Variants in PCDHA12 observed in about 807,000 individuals in gnomAD.
PCDHA12 encodes protocadherin alpha 12, also known as protocadherin alpha-12.
PCDHA12 carries 44 observed loss-of-function variants against 60.0 expected under a neutral mutation model. The ratio of observed to expected loss-of-function variants is 0.73; its 90% CI spans 0.58 to 0.94. The LOEUF (loss-of-function observed/expected upper bound fraction) is 0.94. Among genes scored for constraint, PCDHA12 ranks in the 40% least tolerant of loss-of-function variants. The pLI is 0.00. For missense variants in PCDHA12, 1,276 were observed against 1,239.7 expected, an observed-to-expected ratio of 1.03 and a Z score of -0.44; for synonymous variants, 569 against 553.0, an observed-to-expected ratio of 1.03 and a Z score of -0.40.
intron 3 of PCDHA12, among the ~76,000 whole-genome samples, chr5:140,986,901 A>G (rs1289100953): frequency 6.6e-6 from 1 of 152,134 alleles, no homozygotes; most frequent in Non-Finnish European, 1.5e-5. Context: ...GCCCTATCCT[A>G]GACTAATGAA....
chr5:140,997,820 T>C (rs2097787131), intron 3 of PCDHA12, among the ~76,000 whole-genome samples: 1 of 152,170 alleles, frequency 6.6e-6, no homozygotes. Flanking sequence ...GGTATCTATG[T>C]TTTCTAAACA....
chr5:140,951,933 A>T (rs2094659165), intron 1 of PCDHA12, among the ~76,000 whole-genome samples: 1 of 152,164 alleles, frequency 6.6e-6, no homozygotes, highest in African/African-American at 2.4e-5. Context: ...TACTCCCAAG[A>T]TACAGTGCGG....
At chr5:140,966,763 G>C (rs1020607410) in intron 1 of PCDHA12, 1 of 1,470,370 alleles carries the variant, frequency 6.8e-7, no homozygotes, top group Non-Finnish European at 9.0e-7. Flanking sequence ...CGCGGCCAGT[G>C]GCTATGGAGC....
chr5:140,967,034 C>T (rs782810130), intron 1 of PCDHA12: 9 of 1,610,726 alleles, frequency 5.6e-6, no homozygotes, highest in Non-Finnish European at 2.5e-6. Flanking sequence ...TCCGCGCTAC[C>T]TGGAGCTGGA....
chr5:140,941,228 T>TTTCTTTCTTTCTTTCTTTC (rs2092920819), intron 1 of PCDHA12, among the ~76,000 whole-genome samples: 1 of 139,066 alleles, frequency 7.2e-6, no homozygotes, highest in Admixed American at 7.4e-5. Flanking sequence ...TCTTTCTTTC[T>TTTCTTTCTTTCTTTCTTTC]TTCTTTCTTT....
rs1554262820 is a variant in PCDHA12, at chr5:141,010,243, G to A, written c.*306G>A. On this transcript the variant is annotated 3_prime_UTR_variant, in exon 4 of 4. Coordinates refer to ENST00000398631, the MANE Select transcript of PCDHA12 (RefSeq NM_018903.4). The stretch of plus-strand genomic sequence containing the variant: ...TTCCCAGCCCCGCCAGTGAGAGGTT[G>A]GACTCTCTGCCCTGTGCTCCGGGGA... 1 of 1,551,890 alleles carries A rather than the reference G, an allele frequency of 6.4e-7. No individual in the cohort carries two copies. Among genetic ancestry groups the A allele is most frequent in the Non-Finnish European group, 8.7e-7 (1 of 1,147,036 alleles).
intron 1 of PCDHA12, among the ~76,000 whole-genome samples, chr5:140,922,043 C>T (rs1305034895): frequency 6.6e-6 from 1 of 152,068 alleles, no homozygotes; most frequent in East Asian, 1.9e-4. Flanking sequence ...AATTTTCCCA[C>T]ATACCTTCAA....
chr5:141,009,627 A>G lies in PCDHA12; in HGVS notation c.2516A>G (p.Glu839Gly), dbSNP rs782179145. 6.2e-7 allele frequency: 1 copy of G among 1,612,842 alleles called. No individual in the cohort carries two copies. The highest frequency in any genetic ancestry group is 1.1e-5 in the South Asian group (1 of 90,980). The change falls in exon 4 of 4, where the codon GAA becomes GGA. Residue 839 changes from glutamate (E) to glycine (G), a missense_variant and splice_region_variant. By Grantham distance (98) the Glu-to-Gly change is moderately conservative (BLOSUM62 -2). Coordinates refer to ENST00000398631, the MANE Select transcript of PCDHA12 (RefSeq NM_018903.4). Reference protein sequence around the residue: ...QWPTVSSATPEPEAGEVSPPV... With the variant: ...QWPTVSSATPGPEAGEVSPPV... ...TGATTTGTAATGTTTTGTCTTTCAGAACCAGAGGCAGGAGAAGTGTCCCCT... is the reference window on the plus strand; with the variant it reads ...TGATTTGTAATGTTTTGTCTTTCAGGACCAGAGGCAGGAGAAGTGTCCCCT...
At chr5:140,892,120 A>G (rs1242162429) in intron 1 of PCDHA12, among the ~76,000 whole-genome samples, 1 of 152,216 alleles carries the variant, frequency 6.6e-6, no homozygotes, top group Non-Finnish European at 1.5e-5. Context: ...TATATCTGGA[A>G]CACAATAAGC....
intron 1 of PCDHA12, among the ~76,000 whole-genome samples, chr5:140,915,626 G>C (rs928151112): frequency 6.1e-5 from 9 of 146,436 alleles, no homozygotes; most frequent in East Asian, 4.1e-4. Flanking sequence ...GTCTCTTTCT[G>C]TCTCTCTCTC....
chr5:140,879,806 T>C (rs2058125905), intron 1 of PCDHA12, among the ~76,000 whole-genome samples: 1 of 152,250 alleles, frequency 6.6e-6, no homozygotes, highest in Non-Finnish European at 1.5e-5. Context: ...CCAGTTTCTA[T>C]TGGCTGTTGG....
intron 1 of PCDHA12, among the ~76,000 whole-genome samples, chr5:140,891,208 C>T (rs2062983751): frequency 1.3e-5 from 2 of 152,002 alleles, no homozygotes; most frequent in African/African-American, 4.8e-5. Context: ...TTTTACCATG[C>T]TGTGTCTTTA....
intron 1 of PCDHA12, among the ~76,000 whole-genome samples, chr5:140,956,772 GT>G (rs2095308990): frequency 6.6e-6 from 1 of 152,202 alleles, no homozygotes; most frequent in African/African-American, 2.4e-5. Context: ...AATCTGTCTG[GT>G]CCTGGGCTTT....
In PCDHA12 at chr5:140,876,868, G is replaced by C. The variant is rs563777938; in HGVS notation, c.1396G>C (p.Glu466Gln). The change falls in exon 1 of 4, where the codon GAG becomes CAG. Residue 466 changes from glutamate to glutamine, a missense_variant. Glu to Gln is a conservative substitution (Grantham distance 29). Coordinates refer to ENST00000398631, the MANE Select transcript of PCDHA12 (RefSeq NM_018903.4). ...AQPEYTVFVK[E>Q]NNPPGCHIFT... ...GCCCGAGTACACAGTGTTCGTGAAG[G>C]AGAACAACCCGCCGGGCTGCCACAT... is the stretch of plus-strand genomic sequence containing the variant. 6 of 1,614,160 alleles carry C rather than the reference G, an allele frequency of 3.7e-6. No homozygotes were observed. In the East Asian group the frequency reaches 1.3e-4, roughly 36 times the overall value.
Position 140,875,899 on chromosome 5 carries a change from T to C in PCDHA12, c.427T>C (p.Ser143Pro). The change falls in exon 1 of 4, where the codon TCT becomes CCT. Residue 143 changes from serine (S) to proline (P), a missense_variant. Physicochemically the swap from Ser to Pro is moderately conservative, Grantham distance 74 (BLOSUM62 -1). Transcript: ENST00000398631. The part of the protein sequence containing the change: ...FREREQKVPV[S>P]ESAPLDSHFP... ...AGAAAGGGAACAAAAGGTACCTGTT[T>C]CTGAATCTGCGCCTCTGGACTCTCA... 1.2e-6 allele frequency: 2 copies of C among 1,614,192 alleles called. No individual in the cohort carries two copies. Among genetic ancestry groups the C allele is most frequent in the South Asian group, 1.1e-5 (1 of 91,082 alleles).
chr5:140,884,433 G>T, intron 1 of PCDHA12: 1 of 1,613,908 alleles, frequency 6.2e-7, no homozygotes, highest in Admixed American at 1.7e-5. Context: ...ACTGCGCTGC[G>T]GTGCTCGGCA....
At position 140,877,568 on chromosome 5, in the gene PCDHA12, A is replaced by G. The variant is rs782021677; in HGVS notation, c.2096A>G (p.Tyr699Cys). ...GCGGCTCTGGTGGATATTAACGTGTACCTCATCATCGCCATCTGTGCGGTG... is the reference window on the plus strand; with the variant it reads ...GCGGCTCTGGTGGATATTAACGTGTGCCTCATCATCGCCATCTGTGCGGTG... ...PEAALVDINV[Y>C]LIIAICAVSS... Residue 699 changes from tyrosine to cysteine, a missense_variant, in exon 1 of 4, where the codon TAC becomes TGC. By Grantham distance (194) the Tyr-to-Cys change is radical. Coordinates refer to ENST00000398631, the MANE Select transcript of PCDHA12 (RefSeq NM_018903.4). 1.9e-6 allele frequency: 3 copies of G among 1,613,708 alleles called. No homozygotes were observed. Among genetic ancestry groups the G allele is most frequent in the Non-Finnish European group, 1.7e-6 (2 of 1,179,862 alleles).
chr5:140,968,553 G>C (rs782583876), intron 1 of PCDHA12: 4 of 1,614,132 alleles, frequency 2.5e-6, no homozygotes, highest in South Asian at 1.1e-5. Context: ...ATGGTGCCTC[G>C]AACTGCCCCT....
chr5:140,962,852 T>G (rs2095713840), intron 1 of PCDHA12, among the ~76,000 whole-genome samples: 2 of 152,216 alleles, frequency 1.3e-5, no homozygotes, highest in Admixed American at 1.3e-4. Context: ...TAACTTGTGC[T>G]CGGTTTGTAG....
Sources: gnomAD v4.1 joint callset for allele counts (sites outside exome capture counted in the v4.1 genomes callset) on GRCh38, gnomAD v4.1.1 for gene constraint, MANE v1.5 for transcripts, NCBI Gene and HGNC (gene_info 2026-07-23, HGNC 2026-07-21) for gene names.